The following JMY variants were observed in gnomAD, a reference collection of about 807,000 sequenced individuals.
JMY encodes the protein junction-mediating and -regulatory protein.
A neutral mutation model predicts 103.3 loss-of-function variants in JMY; 46 were observed. The observed-to-expected ratio is 0.45, with a 90% CI of 0.35 to 0.57. The LOEUF (loss-of-function observed/expected upper bound fraction) is 0.57. JMY is among the 20% of genes least tolerant of loss of function. The pLI is 0.00. For synonymous variants in JMY, 526 were observed against 489.3 expected (o/e 1.07, Z -0.99); for missense variants, 1,238 against 1,255.2 (o/e 0.99, Z 0.21).
In JMY at chr5:79,314,688, T is replaced by C. The variant is rs757461885; in HGVS notation, c.2496T>C (p.Ser832=). Residue 832 remains serine (S), a synonymous_variant, in exon 9 of 11, where the codon AGT becomes AGC. Transcript: ENST00000396137. ...PPPPLPVAKD[S]GPETLEKDLP... is the part of the protein sequence containing the mutation. ...CACCTCTGCCTGTTGCTAAGGACAG[T>C]GGCCCAGAGACACTGGAGAAAGATC... 3.6e-6 allele frequency: 5 copies of C among 1,406,436 alleles called. No individual in the cohort carries two copies. The Admixed American group carries it at 6.2e-5, about 17-fold the overall frequency. The allele number at this position is 1,406,436 out of a possible 1,614,324, so 87.1% of individuals were successfully genotyped here.
intron 4 of JMY, among the ~76,000 whole-genome samples, chr5:79,293,867 A>T (rs1746492741): frequency 6.6e-6 from 1 of 150,476 alleles, no homozygotes; most frequent in African/African-American, 2.5e-5. Context: ...CTAGATTTGG[A>T]AATAATAGCA....
chr5:79,268,709 C>T (rs1383782398), intron 1 of JMY, among the ~76,000 whole-genome samples: 6 of 152,030 alleles, frequency 3.9e-5, no homozygotes, highest in Admixed American at 6.5e-5. Context: ...AGGATGGTCT[C>T]GATCTCTTGA....
At chr5:79,262,977 A>T (rs971993097) in intron 1 of JMY, among the ~76,000 whole-genome samples, 2 of 152,166 alleles carry the variant, frequency 1.3e-5, no homozygotes, top group Non-Finnish European at 2.9e-5. Context: ...TTTGTATTAC[A>T]TTTACTTTAT....
intron 1 of JMY, among the ~76,000 whole-genome samples, chr5:79,261,021 ATTAC>A (rs1278813867): frequency 6.6e-6 from 1 of 152,118 alleles, no homozygotes; most frequent in Non-Finnish European, 1.5e-5. Flanking sequence ...TGGTAAAGAT[ATTAC>A]TTATAGATTT....
intron 1 of JMY, among the ~76,000 whole-genome samples, chr5:79,242,884 C>T (rs566270817): frequency 5.9e-5 from 9 of 151,720 alleles, no homozygotes; most frequent in Admixed American, 1.3e-4. Context: ...TCCAAGTTCA[C>T]GCAATTCTTT....
In JMY at chr5:79,278,066, C is replaced by T. The variant is rs747819265; in HGVS notation, c.1189C>T (p.Arg397Ter). 3.7e-6 allele frequency: 6 copies of T among 1,612,044 alleles called. No homozygotes were observed. Among genetic ancestry groups the T allele is most frequent in the Admixed American group, 1.7e-5 (1 of 59,908 alleles). ...FRDMRELAML[R>*]RQQIKISMEN... ...AGACATGAGAGAACTTGCCATGCTA[C>T]GAAGACAGCAGATCAAGGTATTTTT... The change falls in exon 2 of 11, where the codon CGA (arginine) becomes TGA (stop). Residue 397 changes from arginine (R) to a stop codon, truncating the protein, a stop_gained. Coordinates refer to ENST00000396137, the MANE Select transcript of JMY (RefSeq NM_152405.5). LOFTEE classifies it high-confidence loss of function.
chr5:79,263,174 C>T (rs1041491809), intron 1 of JMY, among the ~76,000 whole-genome samples: 4 of 152,024 alleles, frequency 2.6e-5, no homozygotes, highest in Admixed American at 6.6e-5. Flanking sequence ...ACCATTATCT[C>T]GAAGAAAGTG....
rs1431088140 is a variant in JMY at position 79,314,270 on chromosome 5, A to G, written c.2078A>G (p.Gln693Arg). ...LRTFKQRYPG[Q>R]VILKSTRLRL... ...CTGGTATTTTAGAGGTATCCTGGGCAAGTCATACTTAAATCAACCAGATTA... is the reference window on the plus strand; with the variant it reads ...CTGGTATTTTAGAGGTATCCTGGGCGAGTCATACTTAAATCAACCAGATTA... Residue 693 changes from glutamine to arginine, a missense_variant, in exon 9 of 11, where the codon CAA (glutamine) becomes CGA (arginine). Physicochemically the swap from Gln to Arg is conservative, Grantham distance 43 (BLOSUM62 1). Coordinates refer to ENST00000396137, the MANE Select transcript of JMY (RefSeq NM_152405.5). 6.2e-7 allele frequency: 1 copy of G among 1,610,484 alleles called. No homozygotes were observed. Among genetic ancestry groups the G allele is most frequent in the African/African-American group, 1.3e-5 (1 of 74,730 alleles).
chr5:79,254,822 T>A (rs1745189128), intron 1 of JMY, among the ~76,000 whole-genome samples: 1 of 151,926 alleles, frequency 6.6e-6, no homozygotes, highest in Non-Finnish European at 1.5e-5. Context: ...CAGTCACACT[T>A]CATTGTTTTC....
Position 79,236,626 on chromosome 5 carries a change from C to G in JMY, c.-25C>G. 7.3e-7 allele frequency: 1 copy of G among 1,365,570 alleles called. No homozygotes were observed. Among genetic ancestry groups the G allele is most frequent in the Non-Finnish European group, 9.6e-7 (1 of 1,044,604 alleles). The allele number at this position is 1,365,570 out of a possible 1,614,324, so 84.6% of individuals were successfully genotyped here. A position where few individuals can be genotyped will look rare whatever the true frequency, so the allele number is the denominator to read the frequency against. On this transcript the variant is annotated 5_prime_UTR_variant, in exon 1 of 11. Coordinates refer to ENST00000396137, the MANE Select transcript of JMY (RefSeq NM_152405.5). Reference sequence around the variant, plus strand: ...GGGCGGGCCGGGCCGGCGGCCCTTCCCCGCGGCGAGAAGCCGGAGCCACCA... The same window carrying G: ...GGGCGGGCCGGGCCGGCGGCCCTTCGCCGCGGCGAGAAGCCGGAGCCACCA...
Position 79,283,479 on chromosome 5 carries a change from T to G in JMY, c.1206+5396T>G, listed in dbSNP as rs558269590. On this transcript the variant is annotated intron_variant, in intron 2 of 10. Transcript: ENST00000396137. ...ATGTATTTATATTTGTTTTTACATT[T>G]AATATTTATGATATTAACATAATAT... Among the ~76,000 whole-genome samples the G allele has an allele frequency of 1.2e-3, 178 of 152,336 alleles. 1 individual carries two copies. In the South Asian group the frequency reaches 0.035, roughly 30 times the overall value.
chr5:79,278,169 T>TAAAAA, intron 2 of JMY, 86 bp downstream of exon 2: 1 of 906,264 alleles, frequency 1.1e-6, no homozygotes, highest in Non-Finnish European at 1.5e-6. Flanking sequence ...AAGAGGAACT[T>TAAAAA]TAAAAAAAAA....
intron 1 of JMY, among the ~76,000 whole-genome samples, chr5:79,260,506 G>C (rs946599449): frequency 6.6e-6 from 1 of 151,944 alleles, no homozygotes; most frequent in Non-Finnish European, 1.5e-5. Flanking sequence ...TCAGCCTCCT[G>C]AGTAGCTGGG....
chr5:79,298,801 A>G (rs181905325), intron 4 of JMY, among the ~76,000 whole-genome samples: 20 of 152,360 alleles, frequency 1.3e-4, no homozygotes, highest in African/African-American at 4.6e-4. Context: ...GGGATTTGAA[A>G]TTATATTTTA....
intron 2 of JMY, among the ~76,000 whole-genome samples, chr5:79,279,004 A>T (rs1440606858): frequency 6.6e-6 from 1 of 152,138 alleles, no homozygotes; most frequent in African/African-American, 2.4e-5. Context: ...CTTTAAATAC[A>T]TGAAATTTTT....
chr5:79,264,178 CGG>C (rs1227410860), intron 1 of JMY, among the ~76,000 whole-genome samples: 3 of 151,992 alleles, frequency 2.0e-5, no homozygotes, highest in African/African-American at 7.3e-5. Context: ...CTGGCCCTCC[CGG>C]GCTCAGGTGA....
chr5:79,299,949 C>T (rs1746680869), intron 4 of JMY, among the ~76,000 whole-genome samples: 1 of 151,340 alleles, frequency 6.6e-6, no homozygotes, highest in Admixed American at 6.6e-5. Context: ...TGCCTACTTC[C>T]ACCATATAAT....
intron 1 of JMY, among the ~76,000 whole-genome samples, chr5:79,271,108 C>A (rs1418616002): frequency 6.6e-6 from 1 of 151,788 alleles, no homozygotes; most frequent in Non-Finnish European, 1.5e-5. Context: ...CTGTGTTGCC[C>A]AGGCTGGAGG....
chr5:79,293,423 A>G (rs1378372519), intron 4 of JMY, among the ~76,000 whole-genome samples: 1 of 150,520 alleles, frequency 6.6e-6, no homozygotes, highest in Non-Finnish European at 1.5e-5. Context: ...TTTTTAAATT[A>G]ATTTAGTTAG....
Sources: gnomAD v4.1 joint callset for allele counts (sites outside exome capture counted in the v4.1 genomes callset) on GRCh38, gnomAD v4.1.1 for gene constraint, MANE v1.5 for transcripts, NCBI Gene and HGNC (gene_info 2026-07-23, HGNC 2026-07-21) for gene names.